The following NRXN1 variants were observed in gnomAD, a reference collection of about 807,000 sequenced individuals.
The protein encoded by NRXN1 is neurexin 1.
Under a neutral mutation model 150.9 loss-of-function variants are expected in NRXN1, and 39 were observed. That is an observed-to-expected ratio of 0.26 (90% CI 0.20 to 0.34). The LOEUF is 0.34. Among genes scored for constraint, NRXN1 ranks in the 10% least tolerant of loss-of-function variants. The pLI, the probability that NRXN1 is intolerant of heterozygous loss-of-function variation, is 1.00. For synonymous variants in NRXN1, 924 were observed against 757.0 expected, an observed-to-expected ratio of 1.22 and a Z score of -3.62; for missense variants, 1,815 against 1,949.9, an observed-to-expected ratio of 0.93 and a Z score of 1.30.
Position 50,280,038 on chromosome 2 carries a change from G to C in NRXN1, c.3365-43068C>G, listed in dbSNP as rs576252423. On this transcript the variant is annotated intron_variant, in intron 17 of 22. Transcript: ENST00000401669. ...TAACGCCTGTAATCCCAGCAATTTG[G>C]GAGGTCGAGGCGGGTGGATCACGAG... Among the ~76,000 whole-genome samples the C allele has an allele frequency of 2.0e-5, 3 of 152,194 alleles. No individual in the cohort carries two copies. In the South Asian group the frequency reaches 6.2e-4, roughly 32 times the overall value.
At chr2:50,108,060 C>T (rs1230813070) in intron 18 of NRXN1, among the ~76,000 whole-genome samples, 1 of 151,680 alleles carries the variant, frequency 6.6e-6, no homozygotes, top group African/African-American at 2.4e-5. Context: ...TGTTCTTAAC[C>T]ACTACTGTTT....
intron 19 of NRXN1, among the ~76,000 whole-genome samples, chr2:50,072,216 C>T (rs1467671016): frequency 6.6e-6 from 1 of 152,164 alleles, no homozygotes; most frequent in African/African-American, 2.4e-5. Context: ...CTTGTAACAC[C>T]TGCTACGCGG....
At chr2:50,830,411 G>T (rs577529831) in intron 5 of NRXN1, among the ~76,000 whole-genome samples, 1 of 151,512 alleles carries the variant, frequency 6.6e-6, no homozygotes, top group Non-Finnish European at 1.5e-5. Flanking sequence ...TGTCACACAC[G>T]GTAGTTTTAT....
chr2:50,288,626 T>C (rs1031722073), intron 17 of NRXN1, among the ~76,000 whole-genome samples: 9 of 152,158 alleles, frequency 5.9e-5, no homozygotes, highest in African/African-American at 2.2e-4. Context: ...AAATCACATC[T>C]TACATGGTAG....
intron 18 of NRXN1, among the ~76,000 whole-genome samples, chr2:50,167,641 C>T (rs1315986802): frequency 6.6e-6 from 1 of 151,924 alleles, no homozygotes; most frequent in Admixed American, 6.6e-5. Context: ...TTATAAATAC[C>T]TGGATTTACA....
At chr2:50,993,198 A>G (rs1190063772) in intron 2 of NRXN1, among the ~76,000 whole-genome samples, 1 of 151,952 alleles carries the variant, frequency 6.6e-6, no homozygotes, top group African/African-American at 2.4e-5. Context: ...GAGAGAAGGT[A>G]GTCATTCAAT....
intron 2 of NRXN1, among the ~76,000 whole-genome samples, chr2:50,963,251 C>A (rs1693494529): frequency 6.6e-6 from 1 of 151,438 alleles, no homozygotes; most frequent in South Asian, 2.1e-4. Flanking sequence ...AAAAAACAAA[C>A]AACAACAACA....
At chr2:50,218,275 C>A (rs1178496541) in intron 18 of NRXN1, among the ~76,000 whole-genome samples, 2 of 151,978 alleles carry the variant, frequency 1.3e-5, no homozygotes, top group African/African-American at 4.8e-5. Flanking sequence ...CACTTTAAAG[C>A]CCTCAAGAAG....
Position 49,945,658 on chromosome 2 carries a change from A to T in NRXN1, c.4129-1867T>A, listed in dbSNP as rs1672761250. 2.6e-5 allele frequency among the ~76,000 whole-genome samples: 4 copies of T among 151,974 alleles called. No homozygotes were observed. In the South Asian group the frequency reaches 8.3e-4, roughly 31 times the overall value. ...CAGTGTTTGATTTTCAGTTCCTCTG[A>T]TAGTTTGCTGAGAATGGTGGTTTCC... On this transcript the variant is annotated intron_variant, in intron 21 of 22. Coordinates refer to ENST00000401669, the MANE Select transcript of NRXN1 (RefSeq NM_001330078.2).
chr2:50,621,307 T>G, intron 6 of NRXN1, 58 bp from the exon 7 acceptor site: 187 of 1,230,242 alleles, frequency 1.5e-4, no homozygotes, highest in Non-Finnish European at 2.0e-4. Flanking sequence ...TAACGATCGT[T>G]ACTTAAAAAA....
chr2:49,964,721 A>T (rs1442689962), intron 21 of NRXN1, among the ~76,000 whole-genome samples: 1 of 151,926 alleles, frequency 6.6e-6, no homozygotes, highest in Non-Finnish European at 1.5e-5. Flanking sequence ...GGCACCTGTA[A>T]TCCCAGCTAC....
rs70958631 is a variant in NRXN1 at position 50,868,141 on chromosome 2, TTATATATATATATATATATA to T, written c.832+53708_832+53727del. Among the ~76,000 whole-genome samples, 41 of 87,716 alleles carry T rather than the reference TTATATATATATATATATATA, an allele frequency of 4.7e-4. 1 individual carries two copies. Among genetic ancestry groups the T allele is most frequent in the Admixed American group, 1.7e-3 (17 of 9,872 alleles). 57.5% of individuals were successfully genotyped at this position (87,716 alleles called of 152,430 possible). ...ACTGGATGAATGGATAAACAAAATA[TTATATATATATATATATATA>T]TATATATATATATATATATATATAT... On this transcript the variant is annotated intron_variant, in intron 5 of 22. Coordinates refer to ENST00000401669, the MANE Select transcript of NRXN1 (RefSeq NM_001330078.2).
At chr2:49,946,516 G>A (rs1672921431) in intron 21 of NRXN1, among the ~76,000 whole-genome samples, 1 of 152,054 alleles carries the variant, frequency 6.6e-6, no homozygotes. Flanking sequence ...ATGGTTTTAG[G>A]TCTTACGTTT....
intron 5 of NRXN1, among the ~76,000 whole-genome samples, chr2:50,746,521 A>G (rs1700043741): frequency 6.6e-6 from 1 of 151,834 alleles, no homozygotes; most frequent in African/African-American, 2.4e-5. Flanking sequence ...TTATGATACT[A>G]CACTGCAGCC....
At position 50,497,553 on chromosome 2, in the gene NRXN1, C is replaced by T. The variant is rs796052780; in HGVS notation, c.2659G>A (p.Asp887Asn). 1.9e-6 allele frequency: 3 copies of T among 1,613,822 alleles called. No homozygotes were observed. The highest frequency in any genetic ancestry group is 2.2e-5 in the East Asian group (1 of 44,862). ...MAYIDLCKNG[D>N]IDYCELNARF... The stretch of plus-strand genomic sequence containing the variant: ...GCATTAAGCTCACAGTAATCTATGT[C>T]GCCATTTTTACACAGGTCAATGTAT... Residue 887 changes from aspartate to asparagine, a missense_variant, in exon 14 of 23, where the codon GAC becomes AAC. Physicochemically the swap from Asp to Asn is conservative, Grantham distance 23. Transcript: ENST00000401669.
At chr2:50,901,511 T>C (rs1682944129) in intron 5 of NRXN1, among the ~76,000 whole-genome samples, 1 of 152,032 alleles carries the variant, frequency 6.6e-6, no homozygotes, top group African/African-American at 2.4e-5. Flanking sequence ...CACTCCAGCC[T>C]GGGTGACAGA....
intron 2 of NRXN1, among the ~76,000 whole-genome samples, chr2:51,010,885 A>T (rs949548230): frequency 6.6e-6 from 1 of 151,818 alleles, no homozygotes; most frequent in Non-Finnish European, 1.5e-5. Flanking sequence ...CCCAGCCTCA[A>T]GCAATCTACC....
chr2:50,191,049 G>C (rs550517166), intron 18 of NRXN1, among the ~76,000 whole-genome samples: 4 of 151,688 alleles, frequency 2.6e-5, no homozygotes, highest in Middle Eastern at 3.5e-3. Flanking sequence ...CTTTCTTTGA[G>C]ACGGAGTCTC....
intron 17 of NRXN1, among the ~76,000 whole-genome samples, chr2:50,319,021 A>G (rs1223463110): frequency 1.3e-5 from 2 of 152,170 alleles, no homozygotes; most frequent in African/African-American, 2.4e-5. Flanking sequence ...AGTTTAAATT[A>G]AGAAGAAAAG....
Sources: gnomAD v4.1 joint callset for allele counts (sites outside exome capture counted in the v4.1 genomes callset) on GRCh38, gnomAD v4.1.1 for gene constraint, MANE v1.5 for transcripts, NCBI Gene and HGNC (gene_info 2026-07-23, HGNC 2026-07-21) for gene names.